GSG1L2: variants seen among roughly 807,000 people sequenced by gnomAD.
GSG1L2 encodes the protein germ cell-specific gene 1-like protein 2.
A neutral mutation model predicts 9.0 loss-of-function variants in GSG1L2; 15 were observed. The ratio of observed to expected loss-of-function variants is 1.67; its 90% CI spans 1.12 to 2.57. The LOEUF (loss-of-function observed/expected upper bound fraction) is 2.57. GSG1L2 is among the 30% of genes most tolerant of loss of function. The pLI, the probability that GSG1L2 is intolerant of heterozygous loss-of-function variation, is 0.00. For synonymous variants in GSG1L2, 127 were observed against 57.9 expected (o/e 2.19, Z -5.41); for missense variants, 286 against 150.3 (o/e 1.90, Z -4.72).
chr17:9,802,004 G>A lies in GSG1L2; in HGVS notation c.*382C>T, dbSNP rs889659488. ...GATTTTTCTGTCAACAAACCTATGC[G>A]GACAACACATTTTGCCTCCCTTGTA... On this transcript the variant is annotated 3_prime_UTR_variant, in exon 5 of 5. Coordinates refer to ENST00000399363, the MANE Select transcript of GSG1L2 (RefSeq NM_001310219.2). 1.6e-4 allele frequency among the ~76,000 whole-genome samples: 24 copies of A among 152,102 alleles called. No individual in the cohort carries two copies. Among genetic ancestry groups the A allele is most frequent in the East Asian group, 9.6e-4 (5 of 5,192 alleles).
rs1365673937 is a variant in GSG1L2 at position 9,810,524 on chromosome 17, C to G, written c.358+47G>C. On this transcript the variant is annotated intron_variant, in intron 2 of 4. Coordinates refer to ENST00000399363, the MANE Select transcript of GSG1L2 (RefSeq NM_001310219.2). ...TCCCAATAAAACTATAAAAATAGTC[C>G]AAGCTATGAGGAGTGCTAGTGGGCA... 4 of 699,148 alleles carry G rather than the reference C, an allele frequency of 5.7e-6. No homozygotes were observed. In the South Asian group the frequency reaches 6.0e-5, roughly 10 times the overall value. 43.3% of individuals were successfully genotyped at this position (699,148 alleles called of 1,614,324 possible). A position where few individuals can be genotyped will look rare whatever the true frequency, so the allele number is the denominator to read the frequency against.
Position 9,814,330 on chromosome 17 carries a change from A to G in GSG1L2, c.311-3712T>C, listed in dbSNP as rs185602943. ...AGACCAGGCTCATATGAATTGGTAG[A>G]GTCAAGAATTAAAAACCAGAGTTTC... On this transcript the variant is annotated intron_variant, in intron 1 of 4. Transcript: ENST00000399363. 2.6e-5 allele frequency among the ~76,000 whole-genome samples: 4 copies of G among 152,354 alleles called. No individual in the cohort carries two copies. The East Asian group carries it at 7.7e-4, about 29-fold the overall frequency.
At chr17:9,809,768 A>G (rs1358612058) in intron 2 of GSG1L2, 4 of 151,794 alleles carry the variant, frequency 2.6e-5, no homozygotes, top group African/African-American at 7.3e-5. Flanking sequence ...AAGTTCCCCA[A>G]CTCCCCACTT....
Position 9,811,942 on chromosome 17 carries a change from C to G in GSG1L2, c.311-1324G>C, listed in dbSNP as rs1245975650. The stretch of plus-strand genomic sequence containing the variant: ...GCAGAGCATGTTTTTTTCCCATTGA[C>G]TCTTCAAAGGAATGGCATTCTTATC... On this transcript the variant is annotated intron_variant, in intron 1 of 4. Transcript: ENST00000399363. 2.6e-5 allele frequency among the ~76,000 whole-genome samples: 4 copies of G among 152,250 alleles called. No homozygotes were observed. In the East Asian group the frequency reaches 5.8e-4, roughly 22 times the overall value.
In GSG1L2 at chr17:9,801,244, A is replaced by C. The variant is rs561020682; in HGVS notation, c.*1142T>G. Among the ~76,000 whole-genome samples the C allele has an allele frequency of 4.0e-5, 6 of 151,724 alleles. 1 individual carries two copies. The highest frequency in any genetic ancestry group is 8.8e-5 in the Non-Finnish European group (6 of 67,956). ...TTTTTTTGAGACAGGGTCTCACTCT[A>C]TTGCCCAGGCTGGAGTGCAATGGCG... On this transcript the variant is annotated 3_prime_UTR_variant, in exon 5 of 5. Coordinates refer to ENST00000399363, the MANE Select transcript of GSG1L2 (RefSeq NM_001310219.2).
At chr17:9,811,875 G>T (rs569720001) in intron 1 of GSG1L2, among the ~76,000 whole-genome samples, 1 of 152,312 alleles carries the variant, frequency 6.6e-6, no homozygotes, top group South Asian at 2.1e-4. Context: ...AGATGCCTGA[G>T]ACAAGGGAGC....
chr17:9,817,295 G>T (rs1216981236), intron 1 of GSG1L2, among the ~76,000 whole-genome samples: 1 of 152,138 alleles, frequency 6.6e-6, no homozygotes, highest in Non-Finnish European at 1.5e-5. Context: ...CCTGCCAGCT[G>T]CCTGGTTACT....
chr17:9,809,138 A>C, intron 2 of GSG1L2, 156 bp from the exon 3 acceptor site: 2 of 594,358 alleles, frequency 3.4e-6, no homozygotes, highest in South Asian at 1.9e-5. Context: ...TTAGCTGGCA[A>C]TGGAAAGGCA....
intron 4 of GSG1L2, 150 bp downstream of exon 4, chr17:9,807,340 C>T (rs897694976): frequency 1.3e-5 from 8 of 616,180 alleles, no homozygotes; most frequent in African/African-American, 1.1e-4. Context: ...GGGAATTGGG[C>T]TACAGATGGG....
At chr17:9,821,608 G>A (rs2066589916) in intron 1 of GSG1L2, among the ~76,000 whole-genome samples, 154 bp downstream of exon 1, 1 of 152,178 alleles carries the variant, frequency 6.6e-6, no homozygotes, top group South Asian at 2.1e-4. Context: ...TGGAGATGAA[G>A]GATTCAAACC....
chr17:9,808,858 G>A lies in GSG1L2; in HGVS notation c.483C>T (p.Ala161=), dbSNP rs916791143. ...SPGFHWLRVD[A]LVAIFMVLAG... ...CCAGCACCATGAAGATGGCTACCAA[G>A]GCATCCACCCTGAGCCAGTGGAACC... Residue 161 remains alanine (A), a synonymous_variant, in exon 3 of 5, where the codon GCC becomes GCT. Transcript: ENST00000399363. The A allele has an allele frequency of 7.1e-6, 5 of 702,778 alleles. No homozygotes were observed. Among genetic ancestry groups the A allele is most frequent in the African/African-American group, 3.5e-5 (2 of 57,218 alleles). The allele number at this position is 702,778 out of a possible 1,614,324, so 43.5% of individuals were successfully genotyped here.
intron 4 of GSG1L2, chr17:9,804,775 C>A (rs1385494845): frequency 6.6e-6 from 1 of 152,112 alleles, no homozygotes; most frequent in Non-Finnish European, 1.5e-5. Flanking sequence ...CCTTGACAAT[C>A]AAAGATGCCA....
Position 9,822,022 on chromosome 17 carries a change from A to T in GSG1L2, c.50T>A (p.Leu17His). ...GGCGGTGAGGGAGAAGGTGAGGGCG[A>T]GGCAGACAGGGAGGAGGAGCAGCGC... ...QQALLLLPVC[L>H]ALTFSLTAVV... The change falls in exon 1 of 5, where the codon CTC becomes CAC. Residue 17 changes from leucine to histidine, a missense_variant. Physicochemically the swap from Leu to His is moderately conservative, Grantham distance 99. Coordinates refer to ENST00000399363, the MANE Select transcript of GSG1L2 (RefSeq NM_001310219.2). 1 of 702,808 alleles carries T rather than the reference A, an allele frequency of 1.4e-6. No individual in the cohort carries two copies. Among genetic ancestry groups the T allele is most frequent in the Non-Finnish European group, 2.6e-6 (1 of 384,982 alleles). 43.5% of individuals were successfully genotyped at this position (702,808 alleles called of 1,614,324 possible).
chr17:9,813,216 A>T (rs1422851590), intron 1 of GSG1L2, among the ~76,000 whole-genome samples: 1 of 152,164 alleles, frequency 6.6e-6, no homozygotes, highest in African/African-American at 2.4e-5. Context: ...TGAATTTCCA[A>T]GTGCCCGTAG....
Position 9,808,876 on chromosome 17 carries a change from G to A in GSG1L2, c.465C>T (p.His155=), listed in dbSNP as rs1422571859. The change falls in exon 3 of 5, where the codon CAC becomes CAT. Residue 155 remains histidine (H), a synonymous_variant. Coordinates refer to ENST00000399363, the MANE Select transcript of GSG1L2 (RefSeq NM_001310219.2). ...CTACCAAGGCATCCACCCTGAGCCAGTGGAACCCAGGGCTGCGACAACTCA... is the reference window on the plus strand; with the variant it reads ...CTACCAAGGCATCCACCCTGAGCCAATGGAACCCAGGGCTGCGACAACTCA... ...SRVSCRSPGF[H]WLRVDALVAI... 2.8e-6 allele frequency: 2 copies of A among 703,022 alleles called. No homozygotes were observed. Among genetic ancestry groups the A allele is most frequent in the Admixed American group, 2.0e-5 (1 of 50,018 alleles). 43.5% of individuals were successfully genotyped at this position (703,022 alleles called of 1,614,324 possible).
chr17:9,809,496 G>C (rs1335906089), intron 2 of GSG1L2: 1 of 157,332 alleles, frequency 6.4e-6, no homozygotes, highest in Non-Finnish European at 1.4e-5. Context: ...GTGGCGGGCT[G>C]GGGTGGCCAG....
At chr17:9,810,839 A>G (rs1567709970) in intron 1 of GSG1L2, 1 of 567,328 alleles carries the variant, frequency 1.8e-6, no homozygotes, top group Non-Finnish European at 3.1e-6. Context: ...AACTGGGAGC[A>G]AAAATGAGGT....
intron 1 of GSG1L2, among the ~76,000 whole-genome samples, chr17:9,816,233 A>G (rs1420776228): frequency 6.6e-6 from 1 of 152,116 alleles, no homozygotes; most frequent in Non-Finnish European, 1.5e-5. Context: ...TACATCCTTT[A>G]TTTCTCCTTG....
Position 9,802,328 on chromosome 17 carries a change from TGTGA to T in GSG1L2, c.*54_*57del, listed in dbSNP as rs1425218235. On this transcript the variant is annotated 3_prime_UTR_variant, in exon 5 of 5. Coordinates refer to ENST00000399363, the MANE Select transcript of GSG1L2 (RefSeq NM_001310219.2). ...TCCAACCCAGAGGCAGGGTGTACAT[TGTGA>T]GTGTCAGTGCCTGGCTTGTTTGCCT... 3 of 607,842 alleles carry T rather than the reference TGTGA, an allele frequency of 4.9e-6. No individual in the cohort carries two copies. The African/African-American group carries it at 5.6e-5, about 11-fold the overall frequency. 37.7% of individuals were successfully genotyped at this position (607,842 alleles called of 1,614,324 possible).
Sources: gnomAD v4.1 joint callset for allele counts (sites outside exome capture counted in the v4.1 genomes callset) on GRCh38, gnomAD v4.1.1 for gene constraint, MANE v1.5 for transcripts, NCBI Gene and HGNC (gene_info 2026-07-23, HGNC 2026-07-21) for gene names.